PAPPA: variants seen among roughly 807,000 people sequenced by gnomAD.
PAPPA encodes the protein pappalysin-1.
In PAPPA, 60 loss-of-function variants were observed where a neutral mutation model predicts 164.0. That is an observed-to-expected ratio of 0.37 (90% confidence interval 0.30 to 0.45). The LOEUF is 0.45. PAPPA is among the 20% of genes least tolerant of loss of function. The pLI, the probability that PAPPA is intolerant of heterozygous loss-of-function variation, is 1.00. For missense variants in PAPPA, 1,782 were observed against 2,087.3 expected (o/e 0.85, Z 2.85); for synonymous variants, 875 against 814.1 (o/e 1.07, Z -1.27).
At chr9:116,286,358 T>G (rs1472171264) in intron 9 of PAPPA, 1 of 152,156 alleles carries the variant, frequency 6.6e-6, no homozygotes, top group African/African-American at 2.4e-5. Flanking sequence ...GCGGCTTGCT[T>G]CCATTTGGGG....
At position 116,265,922 on chromosome 9, in the gene PAPPA, A is replaced by C; in HGVS notation, c.2798A>C (p.Glu933Ala). The change falls in exon 8 of 22, where the codon GAG becomes GCG. Residue 933 changes from glutamate (E) to alanine (A), a missense_variant. Physicochemically the swap from Glu to Ala is moderately radical, Grantham distance 107 (BLOSUM62 -1). Coordinates refer to ENST00000328252, the MANE Select transcript of PAPPA (RefSeq NM_002581.5). The stretch of plus-strand genomic sequence containing the variant: ...ACTATTTCAGGAACTGAAGAGAGTG[A>C]GCCATCACCTGCTGTCACATACATC... ...VITISGTEES[E>A]PSPAVTYIHG... 1 of 1,612,566 alleles carries C rather than the reference A, an allele frequency of 6.2e-7. No individual in the cohort carries two copies. Among genetic ancestry groups the C allele is most frequent in the Non-Finnish European group, 8.5e-7 (1 of 1,178,612 alleles).
intron 7 of PAPPA, among the ~76,000 whole-genome samples, chr9:116,249,268 G>C (rs1024314795): frequency 6.6e-6 from 1 of 152,204 alleles, no homozygotes; most frequent in African/African-American, 2.4e-5. Flanking sequence ...AGAATCTCCT[G>C]AAAGAGGCAG....
intron 19 of PAPPA, 128 bp downstream of exon 19, chr9:116,367,882 G>A (rs1461080277): frequency 1.7e-5 from 12 of 691,382 alleles, no homozygotes; most frequent in Non-Finnish European, 2.9e-5. Context: ...CATCACACCT[G>A]CCCTGTGGGT....
At chr9:116,270,777 C>T (rs1845126526) in intron 8 of PAPPA, among the ~76,000 whole-genome samples, 1 of 151,330 alleles carries the variant, frequency 6.6e-6, no homozygotes, top group South Asian at 2.1e-4. Context: ...TTGACACCAA[C>T]AAATGACACA....
chr9:116,307,792 C>T (rs1028994359), intron 10 of PAPPA, among the ~76,000 whole-genome samples: 2 of 152,254 alleles, frequency 1.3e-5, no homozygotes, highest in South Asian at 4.2e-4. Context: ...GCTCTGCTCT[C>T]TTAAATTCCA....
chr9:116,299,833 A>C (rs1845557507), intron 9 of PAPPA, among the ~76,000 whole-genome samples: 1 of 151,508 alleles, frequency 6.6e-6, no homozygotes, highest in African/African-American at 2.4e-5. Context: ...ACCCACAATC[A>C]TCTGAAATCA....
chr9:116,250,010 CAT>C (rs750988882), intron 7 of PAPPA, among the ~76,000 whole-genome samples: 148 of 131,600 alleles, frequency 1.1e-3, no homozygotes, highest in African/African-American at 3.2e-3. Flanking sequence ...TGAGTACCTG[CAT>C]ATGTGTGTGT....
intron 1 of PAPPA, among the ~76,000 whole-genome samples, chr9:116,157,898 C>T (rs986791861): frequency 1.7e-4 from 26 of 152,128 alleles, no homozygotes; most frequent in African/African-American, 6.3e-4. Context: ...CAACTGCCCC[C>T]CCAACACCCC....
At chr9:116,162,463 C>T (rs750120143) in intron 1 of PAPPA, among the ~76,000 whole-genome samples, 4 of 152,134 alleles carry the variant, frequency 2.6e-5, no homozygotes, top group Non-Finnish European at 4.4e-5. Flanking sequence ...CCTGCAGGAG[C>T]ATATGTTTAC....
intron 18 of PAPPA, among the ~76,000 whole-genome samples, chr9:116,365,163 C>T (rs1320668420): frequency 1.3e-5 from 2 of 152,186 alleles, no homozygotes; most frequent in Non-Finnish European, 2.9e-5. Context: ...GATTTGATCA[C>T]TGGCCTTATA....
chr9:116,307,471 G>C (rs991126623), intron 10 of PAPPA, among the ~76,000 whole-genome samples: 2 of 152,004 alleles, frequency 1.3e-5, no homozygotes, highest in African/African-American at 2.4e-5. Flanking sequence ...GTGGTGGCAG[G>C]CACCTGTAAT....
At chr9:116,225,355 A>C (rs1011448141) in intron 5 of PAPPA, among the ~76,000 whole-genome samples, 3 of 152,232 alleles carry the variant, frequency 2.0e-5, no homozygotes, top group African/African-American at 7.2e-5. Context: ...TGCTACTCCA[A>C]GAGTAACTCA....
At chr9:116,274,800 G>A (rs938746834) in intron 9 of PAPPA, among the ~76,000 whole-genome samples, 1 of 152,280 alleles carries the variant, frequency 6.6e-6, no homozygotes, top group African/African-American at 2.4e-5. Flanking sequence ...CGTCTTCTGG[G>A]TAGCTTGAGT....
At position 116,265,977 on chromosome 9, in the gene PAPPA, T is replaced by C. The variant is rs755635198; in HGVS notation, c.2853T>C (p.Ile951=). The change falls in exon 8 of 22, where the codon ATT becomes ATC. Residue 951 remains isoleucine, a synonymous_variant. Coordinates refer to ENST00000328252, the MANE Select transcript of PAPPA (RefSeq NM_002581.5). ...IHGSGYCGDG[I]IQKDQGEQCD... ...GAAGTGGGTACTGTGGCGATGGCAT[T>C]ATACAAAAGTAAGTAGATCTAATTA... is the stretch of plus-strand genomic sequence containing the variant. 3 of 1,604,606 alleles carry C rather than the reference T, an allele frequency of 1.9e-6. No individual in the cohort carries two copies. Among genetic ancestry groups the C allele is most frequent in the Non-Finnish European group, 2.6e-6 (3 of 1,172,692 alleles).
intron 1 of PAPPA, among the ~76,000 whole-genome samples, chr9:116,180,830 A>G (rs1185015874): frequency 6.6e-6 from 1 of 152,126 alleles, no homozygotes; most frequent in Non-Finnish European, 1.5e-5. Context: ...GGAGCTTTCA[A>G]ATTTGAAATC....
intron 19 of PAPPA, among the ~76,000 whole-genome samples, chr9:116,376,391 AT>A (rs899656098): frequency 2.6e-5 from 4 of 152,036 alleles, no homozygotes; most frequent in African/African-American, 9.7e-5. Context: ...TAGCTTTCTT[AT>A]TTCACCCACT....
At chr9:116,349,379 A>G (rs1779125363) in intron 15 of PAPPA, among the ~76,000 whole-genome samples, 1 of 152,244 alleles carries the variant, frequency 6.6e-6, no homozygotes, top group African/African-American at 2.4e-5. Flanking sequence ...CAACAAATGG[A>G]TACCGAGGAC....
chr9:116,307,525 G>T (rs936298919), intron 10 of PAPPA, among the ~76,000 whole-genome samples: 2 of 152,024 alleles, frequency 1.3e-5, no homozygotes, highest in Non-Finnish European at 2.9e-5. Flanking sequence ...GCTTGAACCC[G>T]GTTCAAGCGG....
Position 116,347,587 on chromosome 9 carries a change from GT to G in PAPPA, c.3964+380del, listed in dbSNP as rs1175459570. 3.3e-5 allele frequency among the ~76,000 whole-genome samples: 5 copies of G among 152,178 alleles called. No homozygotes were observed. Among genetic ancestry groups the G allele is most frequent in the Non-Finnish European group, 7.4e-5 (5 of 68,026 alleles). On this transcript the variant is annotated intron_variant, in intron 15 of 21. Transcript: ENST00000328252. This position sits in a 1 kb window ranked among gnomAD's most constrained non-coding sequence, Gnocchi z 4.5. ...GGCCAGTAAGCCTTATGAGGTAAGC[GT>G]TACTATTATTCCCATTTCACAGATG...
Sources: gnomAD v4.1 joint callset for allele counts (sites outside exome capture counted in the v4.1 genomes callset) on GRCh38, gnomAD v4.1.1 for gene constraint, Gnocchi (gnomAD v3.1) non-coding constraint, MANE v1.5 for transcripts, NCBI Gene and HGNC (gene_info 2026-07-23, HGNC 2026-07-21) for gene names.